Variants in ZNF518A observed in about 807,000 individuals in gnomAD.
ZNF518A encodes zinc finger protein 518.
In ZNF518A, 47 loss-of-function variants were observed where a neutral mutation model predicts 102.7. The ratio of observed to expected loss-of-function variants is 0.46; its 90% CI spans 0.36 to 0.58. The LOEUF (loss-of-function observed/expected upper bound fraction) is 0.58. ZNF518A is among the 20% of genes least tolerant of loss of function. The probability of loss-of-function intolerance (pLI) is 0.00; values close to 1 mark genes in which losing one functional copy is unlikely to be tolerated. For missense variants in ZNF518A, 1,793 were observed against 1,699.8 expected (o/e 1.05, Z -0.96); for synonymous variants, 652 against 594.6 (o/e 1.10, Z -1.40).
intron 3 of ZNF518A, 45 bp downstream of exon 3, chr10:96,133,693 T>A (rs925949768): frequency 2.0e-5 from 3 of 152,208 alleles, no homozygotes; most frequent in Non-Finnish European, 2.9e-5. Context: ...AATAAGATTA[T>A]TTATGTAACT....
intron 1 of ZNF518A, among the ~76,000 whole-genome samples, chr10:96,187,411 G>A (rs1554892708): frequency 1.3e-5 from 2 of 152,134 alleles, no homozygotes; most frequent in Non-Finnish European, 2.9e-5. Context: ...CCTTTTTTAA[G>A]AACATGTCTC....
At chr10:96,195,159 T>C (rs2083434175) in intron 1 of ZNF518A, among the ~76,000 whole-genome samples, 1 of 152,154 alleles carries the variant, frequency 6.6e-6, no homozygotes, top group Admixed American at 6.5e-5. Context: ...ATTCAGAATA[T>C]AACAAGTGCT....
Position 96,160,792 on chromosome 10 carries a change from G to A in ZNF518A, c.*18G>A. 5 of 1,503,100 alleles carry A rather than the reference G, an allele frequency of 3.3e-6. No homozygotes were observed. The highest frequency in any genetic ancestry group is 2.8e-5 in the South Asian group (2 of 70,790). The allele number at this position is 1,503,100 out of a possible 1,614,324, so 93.1% of individuals were successfully genotyped here. ...TAGAATAGTTTACCATAATTACCAA[G>A]GAAAAGAAAAGTAAAATTACCTTAG... On this transcript the variant is annotated 3_prime_UTR_variant, in exon 6 of 6. Transcript: ENST00000316045.
chr10:96,132,564 A>G (rs2081394565), intron 1 of ZNF518A, 22 bp from the exon 2 acceptor site: 1 of 151,682 alleles, frequency 6.6e-6, no homozygotes, highest in South Asian at 2.1e-4. Flanking sequence ...AAAAGTTTTA[A>G]AATCTTGGTC....
chr10:96,149,331 T>C (rs983398604), intron 3 of ZNF518A, among the ~76,000 whole-genome samples: 1 of 152,180 alleles, frequency 6.6e-6, no homozygotes, highest in African/African-American at 2.4e-5. Context: ...TGAGGGTTTG[T>C]GTCTCATGTA....
At chr10:96,164,765 A>C (rs2083109502), downstream of ZNF518A, among the ~76,000 whole-genome samples, 1 of 152,248 alleles carries the variant, frequency 6.6e-6, no homozygotes, top group Non-Finnish European at 1.5e-5. Context: ...GATGCCAAGA[A>C]TGTGCTTAAT....
intron 1 of ZNF518A, among the ~76,000 whole-genome samples, chr10:96,201,277 A>G (rs1334147081): frequency 6.6e-6 from 1 of 152,202 alleles, no homozygotes; most frequent in African/African-American, 2.4e-5. Flanking sequence ...ACCTATCACT[A>G]TGAAACCCAA....
chr10:96,204,399 GTAAC>G, downstream of ZNF518A: 6 of 1,072,010 alleles, frequency 5.6e-6, no homozygotes, highest in Non-Finnish European at 8.6e-6. Flanking sequence ...CTTTTAACAC[GTAAC>G]TGCAAAACAA....
chr10:96,150,557 AACTT>A (rs1222022175), intron 3 of ZNF518A, among the ~76,000 whole-genome samples: 2 of 150,514 alleles, frequency 1.3e-5, no homozygotes, highest in African/African-American at 4.9e-5. Flanking sequence ...AAAAAAAAAA[AACTT>A]AGGTACAATT....
At chr10:96,191,323 T>A (rs1554893361) in intron 1 of ZNF518A, among the ~76,000 whole-genome samples, 1 of 150,632 alleles carries the variant, frequency 6.6e-6, no homozygotes, top group Non-Finnish European at 1.5e-5. Flanking sequence ...AAACCTCATA[T>A]CAAGTTTAGG....
Position 96,160,828 on chromosome 10 carries a change from C to G in ZNF518A, c.*54C>G, listed in dbSNP as rs782764015. The stretch of plus-strand genomic sequence containing the variant: ...GTAAAATTACCTTAGAAGAAAACAA[C>G]GGGTTCAGTTACCATAATGCAGACA... On this transcript the variant is annotated 3_prime_UTR_variant, in exon 6 of 6. Transcript: ENST00000316045. 6.9e-7 allele frequency: 1 copy of G among 1,451,090 alleles called. No homozygotes were observed. Among genetic ancestry groups the G allele is most frequent in the African/African-American group, 1.4e-5 (1 of 69,852 alleles). The allele number at this position is 1,451,090 out of a possible 1,614,324, so 89.9% of individuals were successfully genotyped here. A position where few individuals can be genotyped will look rare whatever the true frequency, so the allele number is the denominator to read the frequency against.
chr10:96,168,973 C>CT (rs1175382788), intron 1 of ZNF518A, among the ~76,000 whole-genome samples: 1 of 152,140 alleles, frequency 6.6e-6, no homozygotes, highest in Non-Finnish European at 1.5e-5. Flanking sequence ...GATGAATTCT[C>CT]TTTTTTTCTC....
At chr10:96,171,629 T>C (rs1218890855) in intron 1 of ZNF518A, among the ~76,000 whole-genome samples, 1 of 152,172 alleles carries the variant, frequency 6.6e-6, no homozygotes, top group Non-Finnish European at 1.5e-5. Flanking sequence ...AAGAAACCAT[T>C]GAAGTGTACA....
chr10:96,156,034 A>C lies in ZNF518A; in HGVS notation c.-140A>C. ...CAGATTAGTGTTATTTTTACTTCAA[A>C]CTATTACTTCTTGGTAAGCTGTTCT... is the stretch of plus-strand genomic sequence containing the variant. On this transcript the variant is annotated 5_prime_UTR_variant, in exon 5 of 6. Coordinates refer to ENST00000316045, the MANE Select transcript of ZNF518A (RefSeq NM_001330736.2). 1 of 178,678 alleles carries C rather than the reference A, an allele frequency of 5.6e-6. No homozygotes were observed. Among genetic ancestry groups the C allele is most frequent in the Non-Finnish European group, 1.2e-5 (1 of 86,206 alleles). The allele number at this position is 178,678 out of a possible 1,614,324, so 11.1% of individuals were successfully genotyped here. A position where few individuals can be genotyped will look rare whatever the true frequency, so the allele number is the denominator to read the frequency against.
intron 1 of ZNF518A, among the ~76,000 whole-genome samples, chr10:96,188,068 T>C (rs2083283315): frequency 1.3e-5 from 2 of 152,210 alleles, no homozygotes; most frequent in Admixed American, 6.5e-5. Context: ...CAGGTTGGTC[T>C]TGAACTCCTG....
chr10:96,192,029 T>A, intron 1 of ZNF518A: 5 of 1,613,808 alleles, frequency 3.1e-6, no homozygotes, highest in Non-Finnish European at 4.2e-6. Context: ...TTATTCTGAC[T>A]GTCAATAAGA....
downstream of ZNF518A, among the ~76,000 whole-genome samples, chr10:96,164,216 A>G (rs1554889548): frequency 6.6e-6 from 1 of 152,262 alleles, no homozygotes; most frequent in African/African-American, 2.4e-5. Flanking sequence ...ATTATATACT[A>G]ATTCCATACA....
At chr10:96,198,865 A>AT (rs1457469859) in intron 1 of ZNF518A, among the ~76,000 whole-genome samples, 1 of 152,028 alleles carries the variant, frequency 6.6e-6, no homozygotes, top group African/African-American at 2.4e-5. Context: ...CGCCTGGCTA[A>AT]TTTTTTTATT....
chr10:96,176,932 G>A (rs918371007), intron 1 of ZNF518A, among the ~76,000 whole-genome samples: 3 of 151,918 alleles, frequency 2.0e-5, no homozygotes, highest in Non-Finnish European at 4.4e-5. Flanking sequence ...AAACAACTTA[G>A]CTAGGTGTAG....
Sources: allele counts gnomAD v4.1 joint callset (sites outside exome capture counted in the v4.1 genomes callset), GRCh38; gene constraint gnomAD v4.1.1; transcripts MANE v1.5; gene names NCBI Gene and HGNC (gene_info 2026-07-23, HGNC 2026-07-21).